Variants in EIF3M observed in about 807,000 individuals in gnomAD.
The protein encoded by EIF3M is eukaryotic translation initiation factor 3 subunit M.
EIF3M carries 25 observed loss-of-function variants against 49.7 expected under a neutral mutation model. The ratio of observed to expected loss-of-function variants is 0.50; its 90% CI spans 0.37 to 0.70. The LOEUF is 0.70. Ranked by LOEUF, EIF3M falls within the 30% of genes least tolerant of loss-of-function variation. The pLI, the probability that EIF3M is intolerant of heterozygous loss-of-function variation, is 0.00. For synonymous variants in EIF3M, 156 were observed against 149.8 expected (o/e 1.04, Z -0.30); for missense variants, 350 against 440.0 (o/e 0.80, Z 1.83).
chr11:32,587,966 C>G (rs1357741504), intron 2 of EIF3M, among the ~76,000 whole-genome samples: 2 of 152,184 alleles, frequency 1.3e-5, no homozygotes, highest in Non-Finnish European at 2.9e-5. Flanking sequence ...TATGTATACA[C>G]AAAGTTTTCC....
intron 6 of EIF3M, 39 bp downstream of exon 6, chr11:32,593,988 A>T: frequency 7.5e-7 from 1 of 1,327,428 alleles, no homozygotes; most frequent in Non-Finnish European, 1.0e-6. Context: ...TTTGACAGCG[A>T]TGTAGAGGTA....
chr11:32,601,788 A>G lies in EIF3M; in HGVS notation c.970A>G (p.Lys324Glu). The change falls in exon 10 of 11, where the codon AAA becomes GAA. Residue 324 changes from lysine (K) to glutamate (E), a missense_variant. Lys to Glu is a moderately conservative substitution (Grantham distance 56). Transcript: ENST00000531120. ...CGTAAGAACTAAAATGGTCTACTGCAAAATTGATCAGACCCAGAGAAAAGT... is the reference window on the plus strand; with the variant it reads ...CGTAAGAACTAAAATGGTCTACTGCGAAATTGATCAGACCCAGAGAAAAGT... ...DAVRTKMVYC[K>E]IDQTQRKVVV... 1 of 1,612,886 alleles carries G rather than the reference A, an allele frequency of 6.2e-7. No homozygotes were observed. Among genetic ancestry groups the G allele is most frequent in the Non-Finnish European group, 8.5e-7 (1 of 1,179,158 alleles).
At position 32,602,788 on chromosome 11, in the gene EIF3M, A is replaced by T. The variant is rs748297400; in HGVS notation, c.*389A>T. The stretch of plus-strand genomic sequence containing the variant: ...ACCAGAATTTCAGTTACATAATTTC[A>T]CTACTGAAAGCACTTATCTACATTA... On this transcript the variant is annotated 3_prime_UTR_variant, in exon 11 of 11. Transcript: ENST00000531120. The T allele has an allele frequency of 1.4e-6, 2 of 1,443,844 alleles. No individual in the cohort carries two copies. The highest frequency in any genetic ancestry group is 2.6e-5 in the South Asian group (2 of 77,950). The allele number at this position is 1,443,844 out of a possible 1,614,324, so 89.4% of individuals were successfully genotyped here.
At position 32,588,691 on chromosome 11, in the gene EIF3M, C is replaced by T. The variant is rs1855043588; in HGVS notation, c.273C>T (p.Val91=). 6.2e-7 allele frequency: 1 copy of T among 1,614,168 alleles called. No individual in the cohort carries two copies. Among genetic ancestry groups the T allele is most frequent in the African/African-American group, 1.3e-5 (1 of 75,036 alleles). ...ALIESLCEKL[V]KFREGERPSL... is the part of the protein sequence containing the mutation. ...TTGAAAGCCTATGTGAAAAGCTGGT[C>T]AAATTTCGCGAAGGTGAACGCCCGT... The change falls in exon 3 of 11, where the codon GTC becomes GTT. Residue 91 remains valine (V), a synonymous_variant. Transcript: ENST00000531120.
chr11:32,598,821 A>G (rs1449928426), intron 8 of EIF3M, among the ~76,000 whole-genome samples: 18 of 152,054 alleles, frequency 1.2e-4, no homozygotes, highest in Admixed American at 1.2e-3. Flanking sequence ...TGCCAATAGA[A>G]CTGAGAATGT....
At chr11:32,588,388 G>GAAAAAAAAAAAAAA (rs71463359) in intron 2 of EIF3M, among the ~76,000 whole-genome samples, 2 of 93,060 alleles carry the variant, frequency 2.1e-5, no homozygotes, top group Non-Finnish European at 4.3e-5. Flanking sequence ...GACTTCATCT[G>GAAAAAAAAAAAAAA]AAAAAAAAAA....
Position 32,583,899 on chromosome 11 carries a change from G to C in EIF3M, c.12G>C (p.Pro4=). ...CCCGGGCCTGCACCATGAGCGTCCCGGCCTTCATCGACATCAGTGAAGAAG... is the reference window on the plus strand; with the variant it reads ...CCCGGGCCTGCACCATGAGCGTCCCCGCCTTCATCGACATCAGTGAAGAAG... MSV[P]AFIDISEEDQ... The change falls in exon 1 of 11, where the codon CCG becomes CCC. Residue 4 remains proline (P), a synonymous_variant. Transcript: ENST00000531120. The C allele has an allele frequency of 6.2e-7, 1 of 1,613,790 alleles. No homozygotes were observed. Among genetic ancestry groups the C allele is most frequent in the Non-Finnish European group, 8.5e-7 (1 of 1,179,838 alleles).
chr11:32,587,010 A>G lies in EIF3M; in HGVS notation c.43-2A>G. On this transcript the variant is annotated splice_acceptor_variant, in intron 1 of 10. Coordinates refer to ENST00000531120, the MANE Select transcript of EIF3M (RefSeq NM_006360.6). LOFTEE classifies it high-confidence loss of function. ...GTTTTATAATAGAGCAATCCTCAAC[A>G]GGCTGCTGAGCTTCGTGCTTATCTG... 1 of 1,605,258 alleles carries G rather than the reference A, an allele frequency of 6.2e-7. No homozygotes were observed. Among genetic ancestry groups the G allele is most frequent in the Non-Finnish European group, 8.5e-7 (1 of 1,175,962 alleles).
At chr11:32,597,094 G>A (rs935821085) in intron 8 of EIF3M, among the ~76,000 whole-genome samples, 1 of 152,160 alleles carries the variant, frequency 6.6e-6, no homozygotes, top group Non-Finnish European at 1.5e-5. Flanking sequence ...AAAATTTAGA[G>A]ATGGAGGAGT....
intron 5 of EIF3M, chr11:32,591,853 C>T (rs1227039597): frequency 4.2e-6 from 1 of 240,898 alleles, no homozygotes; most frequent in African/African-American, 2.3e-5. Context: ...CAAAACTGCC[C>T]CCTTTCATGC....
intron 9 of EIF3M, 146 bp downstream of exon 9, chr11:32,600,978 T>C: frequency 1.9e-6 from 2 of 1,045,514 alleles, no homozygotes; most frequent in Admixed American, 2.9e-5. Flanking sequence ...GTGGATATAT[T>C]TGTTGTAGGG....
chr11:32,597,538 ATCAGT>A (rs1454086921), intron 8 of EIF3M, among the ~76,000 whole-genome samples: 3 of 152,226 alleles, frequency 2.0e-5, no homozygotes, highest in Non-Finnish European at 4.4e-5. Flanking sequence ...TGTCTAGCGT[ATCAGT>A]TCAGTAAATG....
At chr11:32,594,771 A>G (rs1855153949) in intron 6 of EIF3M, 143 bp from the exon 7 acceptor site, 1 of 617,042 alleles carries the variant, frequency 1.6e-6, no homozygotes, top group Non-Finnish European at 2.7e-6. Context: ...TCTTAACCCA[A>G]TCCTGTAGCT....
Position 32,589,571 on chromosome 11 carries a change from A to T in EIF3M, c.463A>T (p.Asn155Tyr). The change falls in exon 5 of 11, where the codon AAT becomes TAT. Residue 155 changes from asparagine (N) to tyrosine (Y), a missense_variant. By Grantham distance (143) the Asn-to-Tyr change is moderately radical. Coordinates refer to ENST00000531120, the MANE Select transcript of EIF3M (RefSeq NM_006360.6). ...DQVRKWISDW[N>Y]LTTEKKHTLL... ...GGTTAGAAAATGGATTTCTGACTGG[A>T]ATCTCACCACTGAAAAAAAGCACAC... The T allele has an allele frequency of 6.2e-7, 1 of 1,614,172 alleles. No individual in the cohort carries two copies. Among genetic ancestry groups the T allele is most frequent in the Non-Finnish European group, 8.5e-7 (1 of 1,180,020 alleles).
chr11:32,594,727 TAAAAC>T, intron 6 of EIF3M, 182 bp from the exon 7 acceptor site: 1 of 434,650 alleles, frequency 2.3e-6, no homozygotes, highest in Non-Finnish European at 4.1e-6. Flanking sequence ...TTCATTTTGT[TAAAAC>T]AGATGAACCT....
At position 32,605,040 on chromosome 11, in the gene EIF3M, G is replaced by C. The variant is rs1855329519; in HGVS notation, c.*2641G>C. On this transcript the variant is annotated 3_prime_UTR_variant, in exon 11 of 11. Coordinates refer to ENST00000531120, the MANE Select transcript of EIF3M (RefSeq NM_006360.6). The stretch of plus-strand genomic sequence containing the variant: ...GCTAATTTTTTGTATTTTTAGTAGA[G>C]ACAGGGTTTCACTATGTTGTCCAGG... 6.6e-6 allele frequency: 1 copy of C among 152,124 alleles called. No individual in the cohort carries two copies. The highest frequency in any genetic ancestry group is 2.4e-5 in the African/African-American group (1 of 41,480). The allele number at this position is 152,124 out of a possible 1,614,324, so 9.4% of individuals were successfully genotyped here.
Position 32,602,916 on chromosome 11 carries a change from C to A in EIF3M, c.*517C>A. The A allele has an allele frequency of 6.2e-7, 1 of 1,612,454 alleles. No individual in the cohort carries two copies. The highest frequency in any genetic ancestry group is 8.5e-7 in the Non-Finnish European group (1 of 1,179,110). On this transcript the variant is annotated 3_prime_UTR_variant, in exon 11 of 11. Transcript: ENST00000531120. Reference sequence around the variant, plus strand: ...AATTTTCACTTTTATTTAGTTGATTCGTAATGAGGCTCTGCCAGTCATCAT... The same window carrying A: ...AATTTTCACTTTTATTTAGTTGATTAGTAATGAGGCTCTGCCAGTCATCAT...
chr11:32,585,038 A>C (rs1249608306), intron 1 of EIF3M, among the ~76,000 whole-genome samples: 2 of 152,236 alleles, frequency 1.3e-5, no homozygotes, highest in Non-Finnish European at 2.9e-5. Context: ...TTCGCATGGA[A>C]GTTTACTTGT....
rs1257508295 is a variant in EIF3M, at chr11:32,602,644, AT to A, written c.*246del. 2.6e-6 allele frequency: 2 copies of A among 762,552 alleles called. No individual in the cohort carries two copies. Among genetic ancestry groups the A allele is most frequent in the East Asian group, 5.4e-5 (2 of 36,822 alleles). The allele number at this position is 762,552 out of a possible 1,614,324, so 47.2% of individuals were successfully genotyped here. A position where few individuals can be genotyped will look rare whatever the true frequency, so the allele number is the denominator to read the frequency against. On this transcript the variant is annotated 3_prime_UTR_variant, in exon 11 of 11. Transcript: ENST00000531120. ...ATGAGCACTTTAAAGAAAGGATAAT[AT>A]ACAGAGAGAAGACAGAAGTAGAGTA...
Sources: gnomAD v4.1 joint callset for allele counts (sites outside exome capture counted in the v4.1 genomes callset) on GRCh38, gnomAD v4.1.1 for gene constraint, MANE v1.5 for transcripts, NCBI Gene and HGNC (gene_info 2026-07-23, HGNC 2026-07-21) for gene names.